Variants in FAM240B observed in about 807,000 individuals in gnomAD.
FAM240B encodes family with sequence similarity 240 member B.
intron 2 of FAM240B, among the ~76,000 whole-genome samples, chr9:38,700,899 A>G (rs1366406248): frequency 6.6e-6 from 1 of 152,214 alleles, no homozygotes; most frequent in Non-Finnish European, 1.5e-5. Flanking sequence ...TCTCTGAGTC[A>G]CTGAACCCAC....
chr9:38,718,311 G>T (rs7848575), intron 1 of FAM240B, among the ~76,000 whole-genome samples: 56,645 of 152,078 alleles, frequency 0.37, 11,611 homozygotes, highest in African/African-American at 0.54. Flanking sequence ...TCAAAGTCCA[G>T]GTACCCTGAA....
intron 2 of FAM240B, among the ~76,000 whole-genome samples, chr9:38,695,159 A>G (rs1022613171): frequency 7.2e-5 from 11 of 152,214 alleles, no homozygotes; most frequent in African/African-American, 2.4e-4. Context: ...GCAAACCACC[A>G]TGACACATGT....
At chr9:38,706,831 T>C (rs1189733354) in intron 1 of FAM240B, among the ~76,000 whole-genome samples, 1 of 152,220 alleles carries the variant, frequency 6.6e-6, no homozygotes, top group Admixed American at 6.5e-5. Flanking sequence ...AATAAATTTC[T>C]AGCCACTGGA....
intron 1 of FAM240B, among the ~76,000 whole-genome samples, chr9:38,706,592 T>C (rs1002757052): frequency 5.9e-5 from 9 of 152,110 alleles, no homozygotes; most frequent in Non-Finnish European, 1.2e-4. Context: ...TCTCAGACAT[T>C]GAGGGTCTGA....
chr9:38,711,874 T>C (rs905145342), intron 1 of FAM240B, among the ~76,000 whole-genome samples: 1 of 152,072 alleles, frequency 6.6e-6, no homozygotes, highest in Admixed American at 6.5e-5. Context: ...GTCAGGCTGG[T>C]CTCGAACTCC....
At position 38,717,123 on chromosome 9, in the gene FAM240B, C is replaced by G. The variant is rs546551453; in HGVS notation, c.-4+2899G>C. 2.3e-4 allele frequency among the ~76,000 whole-genome samples: 35 copies of G among 152,298 alleles called. No individual in the cohort carries two copies. In the South Asian group the frequency reaches 6.4e-3, roughly 28 times the overall value. The stretch of plus-strand genomic sequence containing the variant: ...GTGTGGAGGGAAGCGCCCAGGGAAG[C>G]AAAGAGCAGGGGGCTCCTAGGGGCT... On this transcript the variant is annotated intron_variant, in intron 1 of 2. Transcript: ENST00000637493.
chr9:38,717,526 G>C (rs144077243), intron 1 of FAM240B, among the ~76,000 whole-genome samples: 3,655 of 152,316 alleles, frequency 0.024, 148 homozygotes, highest in African/African-American at 0.083. Context: ...TGTTGCCCAG[G>C]CTGGAGTGCA....
chr9:38,711,224 A>G (rs1253881271), intron 1 of FAM240B, among the ~76,000 whole-genome samples: 1 of 152,214 alleles, frequency 6.6e-6, no homozygotes, highest in African/African-American at 2.4e-5. Context: ...GTAAGGATAA[A>G]CAAACAAACA....
chr9:38,710,384 A>G (rs961071322), intron 1 of FAM240B, among the ~76,000 whole-genome samples: 1 of 152,246 alleles, frequency 6.6e-6, no homozygotes, highest in Non-Finnish European at 1.5e-5. Context: ...CTCAAAAAGC[A>G]GGAGCAGGAA....
At chr9:38,719,755 G>A (rs912699024) in intron 1 of FAM240B, among the ~76,000 whole-genome samples, 3 of 152,050 alleles carry the variant, frequency 2.0e-5, no homozygotes, top group South Asian at 2.1e-4. Context: ...AGATTTACCC[G>A]AATTTCTTGC....
chr9:38,708,478 T>C (rs1465623759), intron 1 of FAM240B, among the ~76,000 whole-genome samples: 1 of 152,168 alleles, frequency 6.6e-6, no homozygotes, highest in African/African-American at 2.4e-5. Context: ...GAAACACAGC[T>C]GCATCCCTAC....
In FAM240B at chr9:38,706,129, A is replaced by G. The variant is rs140312656; in HGVS notation, c.-3-2127T>C. 2.3e-3 allele frequency among the ~76,000 whole-genome samples: 352 copies of G among 152,308 alleles called. 1 individual carries two copies. The highest frequency in any genetic ancestry group is 8.0e-3 in the African/African-American group (331 of 41,572). On this transcript the variant is annotated intron_variant, in intron 1 of 2. Coordinates refer to ENST00000637493, the MANE Select transcript of FAM240B (RefSeq NM_001394922.1). ...ACATTTAAAAATAATTTTTAAATAT[A>G]TTTTTAAATTGACAAATAAAAGCTG...
chr9:38,715,467 C>T (rs961641130), intron 1 of FAM240B, among the ~76,000 whole-genome samples: 3 of 152,210 alleles, frequency 2.0e-5, no homozygotes, highest in Non-Finnish European at 2.9e-5. Flanking sequence ...GCCACAAGCT[C>T]GGAAGCCTGT....
intron 1 of FAM240B, chr9:38,705,588 C>CAAAA (rs67726050): frequency 5.9e-5 from 6 of 101,106 alleles, no homozygotes; most frequent in Non-Finnish European, 1.2e-4. Context: ...GACTCCAACT[C>CAAAA]AAAAAAAAAA....
chr9:38,707,004 A>G (rs1821198629), intron 1 of FAM240B, among the ~76,000 whole-genome samples: 1 of 152,340 alleles, frequency 6.6e-6, no homozygotes, highest in African/African-American at 2.4e-5. Flanking sequence ...GTACAAGTTC[A>G]AGATAAGAAG....
At chr9:38,705,699 AG>A (rs1256603111) in intron 1 of FAM240B, among the ~76,000 whole-genome samples, 1 of 152,228 alleles carries the variant, frequency 6.6e-6, no homozygotes, top group African/African-American at 2.4e-5. Flanking sequence ...GTATAATAGT[AG>A]AATATGATGC....
At chr9:38,697,744 T>C (rs999972731) in intron 2 of FAM240B, among the ~76,000 whole-genome samples, 6 of 152,240 alleles carry the variant, frequency 3.9e-5, no homozygotes, top group East Asian at 1.9e-4. Flanking sequence ...ATTTCACCTG[T>C]TATGGTGAAA....
rs150589180 is a variant in FAM240B, at chr9:38,714,829, T to C, written c.-4+5193A>G. ...AGAATAAGGAGATATGATTGATAGA[T>C]ATATACACCAATAAATGCAACGTGG... On this transcript the variant is annotated intron_variant, in intron 1 of 2. Coordinates refer to ENST00000637493, the MANE Select transcript of FAM240B (RefSeq NM_001394922.1). 2.0e-5 allele frequency among the ~76,000 whole-genome samples: 3 copies of C among 152,334 alleles called. No homozygotes were observed. In the East Asian group the frequency reaches 5.8e-4, roughly 29 times the overall value.
chr9:38,705,300 AGAG>A (rs1160723705), intron 1 of FAM240B: 2 of 152,498 alleles, frequency 1.3e-5, no homozygotes, highest in Admixed American at 1.3e-4. Context: ...AAACAGCTTC[AGAG>A]AAGAGGCTGG....
Sources: allele counts gnomAD v4.1 joint callset (sites outside exome capture counted in the v4.1 genomes callset), GRCh38; gene constraint gnomAD v4.1.1; transcripts MANE v1.5; gene names NCBI Gene and HGNC (gene_info 2026-07-23, HGNC 2026-07-21).